LAMA2: variants seen among roughly 807,000 people sequenced by gnomAD.
LAMA2 encodes the protein laminin subunit alpha 2, also known as laminin subunit alpha-2.
A neutral mutation model predicts 364.8 loss-of-function variants in LAMA2; 269 were observed. That is an observed-to-expected ratio of 0.74 (90% CI 0.67 to 0.82). The LOEUF (loss-of-function observed/expected upper bound fraction) is 0.82, where lower values mean the gene tolerates loss of function less well. Among genes scored for constraint, LAMA2 ranks in the 40% least tolerant of loss-of-function variants. The probability of loss-of-function intolerance (pLI) is 0.00; values close to 1 mark genes in which losing one functional copy is unlikely to be tolerated. For missense variants in LAMA2, 3,807 were observed against 3,873.2 expected (o/e 0.98, Z 0.45); for synonymous variants, 1,379 against 1,370.6 (o/e 1.01, Z -0.14).
intron 1 of LAMA2, among the ~76,000 whole-genome samples, chr6:128,985,430 G>A (rs1030274225): frequency 2.0e-5 from 3 of 152,086 alleles, no homozygotes; most frequent in South Asian, 2.1e-4. Context: ...TTTTTGGTGG[G>A]GGGATTGACT....
In LAMA2 at chr6:129,260,483, CAT is replaced by C. The variant is rs374559442; in HGVS notation, c.2097-225_2097-224del. 2.8e-3 allele frequency among the ~76,000 whole-genome samples: 430 copies of C among 152,166 alleles called. 3 individuals carry two copies. Among genetic ancestry groups the C allele is most frequent in the African/African-American group, 1.0e-2 (415 of 41,544 alleles). ...GCCAAGAGACGAGGAAGAACATTCT[CAT>C]ATCTTTTCAGCATTTGGAGGTGGTG... On this transcript the variant is annotated intron_variant, in intron 14 of 64. Coordinates refer to ENST00000421865, the MANE Select transcript of LAMA2 (RefSeq NM_000426.4).
At chr6:129,464,597 G>T in intron 50 of LAMA2, 145 bp downstream of exon 50, 1 of 759,362 alleles carries the variant, frequency 1.3e-6, no homozygotes, top group East Asian at 2.5e-5. Context: ...CCAAGAATGG[G>T]TGATACAGAT....
intron 16 of LAMA2, among the ~76,000 whole-genome samples, chr6:129,267,833 A>G (rs532085258): frequency 1.3e-5 from 2 of 152,262 alleles, no homozygotes; most frequent in South Asian, 4.1e-4. Flanking sequence ...CCATCCTGCT[A>G]AGAAACCTTA....
intron 10 of LAMA2, among the ~76,000 whole-genome samples, chr6:129,179,239 C>G (rs1780790262): frequency 6.6e-6 from 1 of 151,968 alleles, no homozygotes; most frequent in African/African-American, 2.4e-5. Flanking sequence ...GTGCTTTATT[C>G]TCTTTTCAAA....
chr6:129,339,848 C>T (rs1192751792), intron 29 of LAMA2, among the ~76,000 whole-genome samples: 1 of 151,902 alleles, frequency 6.6e-6, no homozygotes, highest in African/African-American at 2.4e-5. Context: ...ACTGAAAATA[C>T]GAAAATTAAC....
intron 55 of LAMA2, among the ~76,000 whole-genome samples, chr6:129,483,812 T>G (rs1583857666): frequency 6.6e-6 from 1 of 152,106 alleles, no homozygotes; most frequent in African/African-American, 2.4e-5. Context: ...TACACAAGCA[T>G]AGATGGAAAC....
At chr6:129,192,607 C>T in intron 11 of LAMA2, 73 bp from the exon 12 acceptor site, 2 of 1,439,230 alleles carry the variant, frequency 1.4e-6, no homozygotes, top group Non-Finnish European at 1.9e-6. Flanking sequence ...TGGACACGAC[C>T]AGGAACATGA....
chr6:129,467,979 G>A (rs1012007561), intron 51 of LAMA2, among the ~76,000 whole-genome samples: 8 of 151,746 alleles, frequency 5.3e-5, no homozygotes, highest in Non-Finnish European at 1.0e-4. Context: ...AGCCTACTCA[G>A]TATCTTCTGT....
In LAMA2 at chr6:129,503,125, G is replaced by A; in HGVS notation, c.8392G>A (p.Glu2798Lys). Residue 2798 changes from glutamate to lysine, a missense_variant, in exon 60 of 65, where the codon GAA (glutamate) becomes AAA (lysine). Coordinates refer to ENST00000421865, the MANE Select transcript of LAMA2 (RefSeq NM_000426.4). ...TIELEVRTEA[E>K]SGLLFYMARI... ...TGAGTTGGAAGTAAGAACCGAAGCT[G>A]AATCCGGCTTGCTTTTTTACATGGC... The A allele has an allele frequency of 1.2e-6, 2 of 1,614,172 alleles. No individual in the cohort carries two copies. Among genetic ancestry groups the A allele is most frequent in the Non-Finnish European group, 1.7e-6 (2 of 1,180,004 alleles).
intron 45 of LAMA2, among the ~76,000 whole-genome samples, chr6:129,446,712 AG>A (rs914818387): frequency 9.9e-5 from 15 of 152,184 alleles, no homozygotes; most frequent in African/African-American, 3.6e-4. Context: ...TAGGATGATC[AG>A]AAAAGCCCTT....
chr6:129,423,448 A>G (rs2114733230), intron 40 of LAMA2, among the ~76,000 whole-genome samples: 1 of 152,176 alleles, frequency 6.6e-6, no homozygotes, highest in East Asian at 1.9e-4. Context: ...CTAGTGCTTT[A>G]GGAGGCTGAG....
chr6:129,454,127 C>T (rs1782832885), intron 46 of LAMA2, 28 bp from the exon 47 acceptor site: 1 of 1,604,622 alleles, frequency 6.2e-7, no homozygotes, highest in Non-Finnish European at 8.5e-7. Context: ...TATCTGATAT[C>T]TCTTGTTTTT....
chr6:129,371,651 G>A (rs1022959687), intron 34 of LAMA2, among the ~76,000 whole-genome samples: 16 of 148,816 alleles, frequency 1.1e-4, no homozygotes, highest in Non-Finnish European at 2.1e-4. Flanking sequence ...CTGTCGCCGA[G>A]GCTGGAGTGC....
chr6:129,175,333 A>T (rs982750410), intron 9 of LAMA2, among the ~76,000 whole-genome samples: 1 of 152,192 alleles, frequency 6.6e-6, no homozygotes. Context: ...AAACAGGAAA[A>T]ATAATAGTGT....
chr6:129,256,547 G>T (rs9492282), intron 14 of LAMA2, among the ~76,000 whole-genome samples: 25,915 of 151,222 alleles, frequency 0.17, 2,456 homozygotes, highest in African/African-American at 0.24. Context: ...GAAGAAGTGT[G>T]CACAATGCAT....
At chr6:129,333,392 T>G (rs1344328015) in intron 29 of LAMA2, among the ~76,000 whole-genome samples, 1 of 152,190 alleles carries the variant, frequency 6.6e-6, no homozygotes, top group East Asian at 1.9e-4. Context: ...ACATTTCTTG[T>G]CATGTTACGA....
intron 12 of LAMA2, among the ~76,000 whole-genome samples, chr6:129,222,336 C>A (rs985185703): frequency 1.3e-5 from 2 of 151,086 alleles, no homozygotes; most frequent in African/African-American, 2.4e-5. Context: ...TAGAATAATG[C>A]CTGGTACATA....
intron 29 of LAMA2, among the ~76,000 whole-genome samples, chr6:129,333,038 A>T (rs1257589519): frequency 6.6e-6 from 1 of 151,548 alleles, no homozygotes; most frequent in African/African-American, 2.4e-5. Flanking sequence ...GATTACAGGC[A>T]CCTGCCACCA....
chr6:128,951,709 A>G (rs988024274), intron 1 of LAMA2, among the ~76,000 whole-genome samples: 2 of 152,176 alleles, frequency 1.3e-5, no homozygotes, highest in Non-Finnish European at 2.9e-5. Flanking sequence ...AAAGCTTCTT[A>G]TTGTCCCCAA....
Sources: allele counts gnomAD v4.1 joint callset (sites outside exome capture counted in the v4.1 genomes callset), GRCh38; gene constraint gnomAD v4.1.1; transcripts MANE v1.5; gene names NCBI Gene and HGNC (gene_info 2026-07-23, HGNC 2026-07-21).